The following ITGAM variants were observed in gnomAD, a reference collection of about 807,000 sequenced individuals.
ITGAM encodes the protein integrin subunit alpha M.
ITGAM carries 79 observed loss-of-function variants against 137.5 expected under a neutral mutation model. The observed-to-expected ratio is 0.57, with a 90% CI of 0.48 to 0.69. ITGAM has a LOEUF of 0.69. Ranked by LOEUF, ITGAM falls within the 30% of genes least tolerant of loss-of-function variation. ITGAM has a pLI of 0.00. For missense variants in ITGAM, 1,343 were observed against 1,483.5 expected, an observed-to-expected ratio of 0.91 and a Z score of 1.56; for synonymous variants, 583 against 592.3, an observed-to-expected ratio of 0.98 and a Z score of 0.23.
chr16:31,327,026 T>G (rs1306956988), intron 22 of ITGAM, 91 bp downstream of exon 22: 1 of 940,976 alleles, frequency 1.1e-6, no homozygotes, highest in African/African-American at 1.6e-5. Flanking sequence ...TGCCCACTGG[T>G]TCTCCCTTCA....
intron 22 of ITGAM, among the ~76,000 whole-genome samples, chr16:31,327,423 C>CAAAA (rs71151472): frequency 9.7e-4 from 136 of 139,752 alleles, no homozygotes; most frequent in Admixed American, 1.6e-3. Context: ...CCTGTTTCTA[C>CAAAA]AAAAAAAAAA....
intron 16 of ITGAM, among the ~76,000 whole-genome samples, chr16:31,321,950 A>C (rs2080455548): frequency 6.6e-6 from 1 of 152,216 alleles, no homozygotes; most frequent in Non-Finnish European, 1.5e-5. Context: ...TGAATTGATG[A>C]AGCTAAACAG....
chr16:31,330,727 C>A, intron 28 of ITGAM, 122 bp downstream of exon 28: 1 of 671,526 alleles, frequency 1.5e-6, no homozygotes, highest in Non-Finnish European at 2.5e-6. Context: ...GACAGAGAGA[C>A]AGAGAGATAC....
intron 3 of ITGAM, 122 bp downstream of exon 3, chr16:31,265,620 TC>T (rs1761207045): frequency 2.7e-6 from 2 of 747,326 alleles, no homozygotes; most frequent in African/African-American, 3.5e-5. Context: ...CCGTACCCTC[TC>T]CTCTGCCTGC....
intron 14 of ITGAM, among the ~76,000 whole-genome samples, chr16:31,306,848 G>C (rs1418049699): frequency 6.6e-6 from 1 of 152,138 alleles, no homozygotes. Flanking sequence ...ATGTTTAACA[G>C]AGAGTTTACA....
chr16:31,289,574 G>A (rs2080064904), intron 12 of ITGAM, among the ~76,000 whole-genome samples: 1 of 152,104 alleles, frequency 6.6e-6, no homozygotes, highest in Non-Finnish European at 1.5e-5. Flanking sequence ...CTTGGACACA[G>A]GAAGGGGAAC....
intron 12 of ITGAM, among the ~76,000 whole-genome samples, chr16:31,280,627 G>A (rs2079957938): frequency 6.6e-6 from 1 of 152,138 alleles, no homozygotes; most frequent in Admixed American, 6.5e-5. Flanking sequence ...TCAGCTTAAG[G>A]ACGTTTTGGG....
intron 14 of ITGAM, among the ~76,000 whole-genome samples, chr16:31,300,223 A>C (rs560735942): frequency 6.6e-6 from 1 of 152,206 alleles, no homozygotes; most frequent in Non-Finnish European, 1.5e-5. Flanking sequence ...GGCTATTGTG[A>C]ATAGTGCTGC....
At chr16:31,310,358 A>G (rs1382871901) in intron 14 of ITGAM, among the ~76,000 whole-genome samples, 1 of 151,996 alleles carries the variant, frequency 6.6e-6, no homozygotes, top group Non-Finnish European at 1.5e-5. Flanking sequence ...TGGTCTTTTC[A>G]CATAGTCCCA....
At chr16:31,330,749 G>T in intron 28 of ITGAM, 144 bp downstream of exon 28, 1 of 635,852 alleles carries the variant, frequency 1.6e-6, no homozygotes, top group Non-Finnish European at 2.7e-6. Flanking sequence ...GAGACGTAAG[G>T]AGAGAGACAG....
chr16:31,266,254 G>T, intron 5 of ITGAM, 107 bp downstream of exon 5: 6 of 733,732 alleles, frequency 8.2e-6, no homozygotes, highest in Non-Finnish European at 1.4e-5. Context: ...GCAGAAGAGT[G>T]GGGGAACTGG....
At chr16:31,277,857 C>T (rs1354930372) in intron 11 of ITGAM, 110 bp from the exon 12 acceptor site, 14 of 1,126,760 alleles carry the variant, frequency 1.2e-5, no homozygotes, top group South Asian at 9.5e-5. Flanking sequence ...GATCAGTTAC[C>T]CCAACACAGC....
At chr16:31,326,452 C>T (rs1419261586) in intron 21 of ITGAM, among the ~76,000 whole-genome samples, 2 of 152,008 alleles carry the variant, frequency 1.3e-5, no homozygotes, top group Admixed American at 6.6e-5. Flanking sequence ...AGTTTCACTT[C>T]GTTGCCCAGG....
chr16:31,305,531 T>C (rs1024913796), intron 14 of ITGAM, among the ~76,000 whole-genome samples: 1 of 152,202 alleles, frequency 6.6e-6, no homozygotes, highest in African/African-American at 2.4e-5. Flanking sequence ...TCTTGTCTTG[T>C]TCCAGTTCTT....
At position 31,332,703 on chromosome 16, in the gene ITGAM, A is replaced by G. The variant is rs557802099; in HGVS notation, c.*996A>G. 13 of 152,362 alleles carry G rather than the reference A, an allele frequency of 8.5e-5. No homozygotes were observed. The highest frequency in any genetic ancestry group is 2.6e-4 in the African/African-American group (11 of 41,578). 9.4% of individuals were successfully genotyped at this position (152,362 alleles called of 1,614,324 possible). A position where few individuals can be genotyped will look rare whatever the true frequency, so the allele number is the denominator to read the frequency against. On this transcript the variant is annotated 3_prime_UTR_variant, in exon 30 of 30. Coordinates refer to ENST00000544665, the MANE Select transcript of ITGAM (RefSeq NM_000632.4). ...TTTTTTTCACCAATATTTCTCAGACATCGGTTCATATTAAGACATAAATTA... is the reference window on the plus strand; with the variant it reads ...TTTTTTTCACCAATATTTCTCAGACGTCGGTTCATATTAAGACATAAATTA...
rs777126373 is a variant in ITGAM at position 31,278,027 on chromosome 16, G to A, written c.1274G>A (p.Arg425Gln). 7 of 1,606,912 alleles carry A rather than the reference G, an allele frequency of 4.4e-6. No homozygotes were observed. The highest frequency in any genetic ancestry group is 1.7e-5 in the Admixed American group (1 of 58,894). The change falls in exon 12 of 30, where the codon CGA (arginine) becomes CAA (glutamine). Residue 425 changes from arginine to glutamine, a missense_variant. Physicochemically the swap from Arg to Gln is conservative, Grantham distance 43. Transcript: ENST00000544665. Reference sequence around the variant, plus strand: ...CAAAGCCTGGTTCTGGGGGCACCTCGATATCAGCACATCGGCCTGGTAGCG... The same window carrying A: ...CAAAGCCTGGTTCTGGGGGCACCTCAATATCAGCACATCGGCCTGGTAGCG... ...RVQSLVLGAPRYQHIGLVAMF... is the reference protein window; with the variant it reads ...RVQSLVLGAPQYQHIGLVAMF...
intron 12 of ITGAM, among the ~76,000 whole-genome samples, chr16:31,285,768 T>TTTTTCTTTTTTCTTTTTC (rs2080022392): frequency 6.6e-6 from 1 of 151,988 alleles, no homozygotes; most frequent in South Asian, 2.1e-4. Flanking sequence ...CCTGTGGTGG[T>TTTTTCTTTTTTCTTTTTC]TTTTCTTTTT....
intron 12 of ITGAM, among the ~76,000 whole-genome samples, chr16:31,278,972 G>A (rs7191511): frequency 0.17 from 26,483 of 152,074 alleles, 2,865 homozygotes; most frequent in African/African-American, 0.3. Flanking sequence ...CCACCTATGA[G>A]TGAGAACATG....
chr16:31,326,012 G>A (rs1429575575), intron 21 of ITGAM, among the ~76,000 whole-genome samples: 2 of 152,122 alleles, frequency 1.3e-5, no homozygotes, highest in East Asian at 3.9e-4. Flanking sequence ...GCTGCAGTGA[G>A]CTATGATCAC....
Sources: gnomAD v4.1 joint callset for allele counts (sites outside exome capture counted in the v4.1 genomes callset) on GRCh38, gnomAD v4.1.1 for gene constraint, MANE v1.5 for transcripts, NCBI Gene and HGNC (gene_info 2026-07-23, HGNC 2026-07-21) for gene names.